TRIM72: variants seen among roughly 807,000 people sequenced by gnomAD.
TRIM72 encodes tripartite motif containing 72.
A neutral mutation model predicts 31.6 loss-of-function variants in TRIM72; 33 were observed. The observed-to-expected ratio is 1.04, with a 90% CI of 0.79 to 1.40. The LOEUF is 1.40. Among genes scored for constraint, TRIM72 ranks in the 40% most tolerant of loss-of-function variants. The probability of loss-of-function intolerance (pLI) is 0.00; values close to 1 mark genes in which losing one functional copy is unlikely to be tolerated. For synonymous variants in TRIM72, 301 were observed against 314.4 expected, an observed-to-expected ratio of 0.96 and a Z score of 0.45; for missense variants, 666 against 682.7, an observed-to-expected ratio of 0.98 and a Z score of 0.27.
At position 31,227,964 on chromosome 16, in the gene TRIM72, T is replaced by G. The variant is rs1406474205; in HGVS notation, c.*3209T>G. 2.0e-5 allele frequency: 3 copies of G among 152,008 alleles called. No individual in the cohort carries two copies. The highest frequency in any genetic ancestry group is 4.4e-5 in the Non-Finnish European group (3 of 68,118). 9.4% of individuals were successfully genotyped at this position (152,008 alleles called of 1,614,324 possible). ...CTTCATCTTTTATTTTATTATTATT[T>G]TTTGAGATGGAGTCTCACCGTGTCA... On this transcript the variant is annotated 3_prime_UTR_variant, in exon 7 of 7. Coordinates refer to ENST00000322122, the MANE Select transcript of TRIM72 (RefSeq NM_001008274.4).
At position 31,216,429 on chromosome 16, in the gene TRIM72, AAAAC is replaced by A; in HGVS notation, c.390+1305_390+1308del. On this transcript the variant is annotated intron_variant, in intron 2 of 6. Coordinates refer to ENST00000322122, the MANE Select transcript of TRIM72 (RefSeq NM_001008274.4). This position sits in a 1 kb window ranked among gnomAD's most constrained non-coding sequence, Gnocchi z 6.7. Reference sequence around the variant, plus strand: ...AATAAATCTTGCTGCCGCTAAAAAAAAAACAAAAAACAAACAAACAAAAAAAACC... The same window carrying A: ...AATAAATCTTGCTGCCGCTAAAAAAAAAAAAACAAACAAACAAAAAAAACC... The A allele has an allele frequency of 3.0e-6, 1 of 335,670 alleles. No individual in the cohort carries two copies. The highest frequency in any genetic ancestry group is 5.4e-6 in the Non-Finnish European group (1 of 184,202). 20.8% of individuals were successfully genotyped at this position (335,670 alleles called of 1,614,324 possible).
rs200847932 is a variant in TRIM72 at position 31,220,937 on chromosome 16, T to C, written c.740+19T>C. 6.2e-7 allele frequency: 1 copy of C among 1,614,196 alleles called. No homozygotes were observed. Among genetic ancestry groups the C allele is most frequent in the East Asian group, 2.2e-5 (1 of 44,888 alleles). ...CCAGCAGGTGAGAGCAACCTGGCCC[T>C]GTCCCTTTGCCCGACTTGTCCCAGT... On this transcript the variant is annotated intron_variant, in intron 5 of 6. Transcript: ENST00000322122.
At chr16:31,214,675 G>C in intron 1 of TRIM72, 57 bp from the exon 2 acceptor site, 4 of 1,427,022 alleles carry the variant, frequency 2.8e-6, no homozygotes, top group Non-Finnish European at 3.6e-6. Flanking sequence ...CTGGGCCAGG[G>C]CTGGGCCGGG....
In TRIM72 at chr16:31,222,809, TCCCCTCCCCAC is replaced by T; in HGVS notation, c.741-13_741-3del. Reference sequence around the variant, plus strand: ...CTCCCCCCTCACACATGCCTCCCCTTCCCCTCCCCACCCCCAGGCTGCAGAAGATCCTGGCA... The same window carrying T: ...CTCCCCCCTCACACATGCCTCCCCTTCCCCAGGCTGCAGAAGATCCTGGCA... On this transcript the variant is annotated splice_polypyrimidine_tract_variant and splice_region_variant and intron_variant, in intron 5 of 6. Coordinates refer to ENST00000322122, the MANE Select transcript of TRIM72 (RefSeq NM_001008274.4). 1 of 505,028 alleles carries T rather than the reference TCCCCTCCCCAC, an allele frequency of 2.0e-6. No homozygotes were observed. The highest frequency in any genetic ancestry group is 3.4e-6 in the Non-Finnish European group (1 of 291,454). The allele number at this position is 505,028 out of a possible 1,614,324, so 31.3% of individuals were successfully genotyped here. A position where few individuals can be genotyped will look rare whatever the true frequency, so the allele number is the denominator to read the frequency against.
At chr16:31,218,040 A>G (rs1040720371) in intron 2 of TRIM72, among the ~76,000 whole-genome samples, 1 of 152,160 alleles carries the variant, frequency 6.6e-6, no homozygotes, top group Non-Finnish European at 1.5e-5. Flanking sequence ...TAAGAGAGGA[A>G]GCCCAGGAGT....
At chr16:31,220,850 TC>T in intron 4 of TRIM72, 45 bp from the exon 5 acceptor site, 1 of 1,613,896 alleles carries the variant, frequency 6.2e-7, no homozygotes, top group Non-Finnish European at 8.5e-7. Context: ...GTTTCCAGTG[TC>T]CCCACCATCG....
In TRIM72 at chr16:31,226,982, A is replaced by C. The variant is rs2079556969; in HGVS notation, c.*2227A>C. On this transcript the variant is annotated 3_prime_UTR_variant, in exon 7 of 7. Transcript: ENST00000322122. ...GGTAAGAAAGGCCTGAGGATCTGGC[A>C]GGGGAAGGCGGCACACCTGGGTGTG... The C allele has an allele frequency of 6.6e-6, 1 of 152,310 alleles. No individual in the cohort carries two copies. The highest frequency in any genetic ancestry group is 2.1e-4 in the South Asian group (1 of 4,832). The allele number at this position is 152,310 out of a possible 1,614,324, so 9.4% of individuals were successfully genotyped here.
chr16:31,224,344 C>G lies in TRIM72; in HGVS notation c.1023C>G (p.Ser341=). 6.3e-7 allele frequency: 1 copy of G among 1,583,716 alleles called. No individual in the cohort carries two copies. The highest frequency in any genetic ancestry group is 8.6e-7 in the Non-Finnish European group (1 of 1,168,606). Residue 341 remains serine (S), a synonymous_variant, in exon 7 of 7, where the codon TCC becomes TCG. Coordinates refer to ENST00000322122, the MANE Select transcript of TRIM72 (RefSeq NM_001008274.4). Reference sequence around the variant, plus strand: ...CGGTGGTGGCGCACCAGCAGCTCTCCGAGGGCGAGCACTACTGGGAGGTGG... The same window carrying G: ...CGGTGGTGGCGCACCAGCAGCTCTCGGAGGGCGAGCACTACTGGGAGGTGG... The part of the protein sequence containing the change: ...AVAVVAHQQL[S]EGEHYWEVDV...
At position 31,231,018 on chromosome 16, in the gene TRIM72, C is replaced by CTTTTG. The variant is rs1020896642; in HGVS notation, c.*6278_*6282dup. 4.0e-5 allele frequency: 6 copies of CTTTTG among 151,768 alleles called. No homozygotes were observed. Among genetic ancestry groups the CTTTTG allele is most frequent in the African/African-American group, 1.5e-4 (6 of 41,312 alleles). The allele number at this position is 151,768 out of a possible 1,614,324, so 9.4% of individuals were successfully genotyped here. On this transcript the variant is annotated 3_prime_UTR_variant, in exon 7 of 7. Coordinates refer to ENST00000322122, the MANE Select transcript of TRIM72 (RefSeq NM_001008274.4). Reference sequence around the variant, plus strand: ...CAACGAGAGCCCCACTAGGTTGCCTCTTTTGTTTTGTTTTGTTTTTTTTTT... The same window carrying CTTTTG: ...CAACGAGAGCCCCACTAGGTTGCCTCTTTTGTTTTGTTTTGTTTTGTTTTTTTTTT...
Position 31,216,981 on chromosome 16 carries a change from T to C in TRIM72, c.390+1853T>C. On this transcript the variant is annotated intron_variant, in intron 2 of 6. Coordinates refer to ENST00000322122, the MANE Select transcript of TRIM72 (RefSeq NM_001008274.4). The surrounding 1 kb of genome is among the most constrained non-coding windows in gnomAD (Gnocchi z 6.7). ...TCTTGAACTTCTTGAGCTCCTCCGGTGTCAGGTTCTCCAGCACCTTCAGGA... is the reference window on the plus strand; with the variant it reads ...TCTTGAACTTCTTGAGCTCCTCCGGCGTCAGGTTCTCCAGCACCTTCAGGA... 1 of 1,614,060 alleles carries C rather than the reference T, an allele frequency of 6.2e-7. No homozygotes were observed. Among genetic ancestry groups the C allele is most frequent in the Non-Finnish European group, 8.5e-7 (1 of 1,179,964 alleles).
In TRIM72 at chr16:31,219,002, T is replaced by C; in HGVS notation, c.391-93T>C. 1 of 1,162,626 alleles carries C rather than the reference T, an allele frequency of 8.6e-7. No homozygotes were observed. The highest frequency in any genetic ancestry group is 1.2e-6 in the Non-Finnish European group (1 of 816,036). The allele number at this position is 1,162,626 out of a possible 1,614,324, so 72.0% of individuals were successfully genotyped here. A position where few individuals can be genotyped will look rare whatever the true frequency, so the allele number is the denominator to read the frequency against. ...AAGATGGCTGGAGGAGGAGCTGGCA[T>C]TGAGGTTGAGCCACAGAGGGCAGGT... On this transcript the variant is annotated intron_variant, in intron 2 of 6. Transcript: ENST00000322122. The surrounding 1 kb of genome is among the most constrained non-coding windows in gnomAD (Gnocchi z 4.2).
In TRIM72 at chr16:31,219,155, G is replaced by A. The variant is rs149024766; in HGVS notation, c.451G>A (p.Val151Met). The A allele has an allele frequency of 1.2e-6, 2 of 1,609,832 alleles. No individual in the cohort carries two copies. The highest frequency in any genetic ancestry group is 2.7e-5 in the African/African-American group (2 of 75,030). The change falls in exon 3 of 7, where the codon GTG becomes ATG. Residue 151 changes from valine (V) to methionine (M), a missense_variant. Transcript: ENST00000322122. The surrounding 1 kb of genome is among the most constrained non-coding windows in gnomAD (Gnocchi z 4.2). Reference protein sequence around the residue: ...QEACMRKEKSVAVLEHQLVEV... With the variant: ...QEACMRKEKSMAVLEHQLVEV... ...GGCATGCATGCGCAAGGAGAAGAGT[G>A]TGGCTGTGCTGGAGCATCAGCTGGT...
Position 31,219,086 on chromosome 16 carries a change from G to A in TRIM72, c.391-9G>A, listed in dbSNP as rs2079522014. The stretch of plus-strand genomic sequence containing the variant: ...CATCCCCATCACTTCTCCATGCCTC[G>A]ACCCCCAGACACAGCTGCCACAGCA... On this transcript the variant is annotated splice_polypyrimidine_tract_variant and intron_variant, in intron 2 of 6. Transcript: ENST00000322122. This position sits in a 1 kb window ranked among gnomAD's most constrained non-coding sequence, Gnocchi z 4.2. 1 of 1,560,388 alleles carries A rather than the reference G, an allele frequency of 6.4e-7. No homozygotes were observed. The highest frequency in any genetic ancestry group is 8.7e-7 in the Non-Finnish European group (1 of 1,151,654).
At chr16:31,214,656 G>A in intron 1 of TRIM72, 76 bp from the exon 2 acceptor site, 1 of 1,376,438 alleles carries the variant, frequency 7.3e-7, no homozygotes, top group Non-Finnish European at 9.3e-7. Context: ...GGCCCGGCCT[G>A]GGCTAGGGCT....
In TRIM72 at chr16:31,215,594, G is replaced by C. The variant is rs891747532; in HGVS notation, c.390+466G>C. On this transcript the variant is annotated intron_variant, in intron 2 of 6. Transcript: ENST00000322122. The surrounding 1 kb of genome is among the most constrained non-coding windows in gnomAD (Gnocchi z 6.3). Reference sequence around the variant, plus strand: ...GGGACCGAGCCAGGCGGCCGGGGCAGGGTTGTCCCCTTGTGCTCAGCGGAG... The same window carrying C: ...GGGACCGAGCCAGGCGGCCGGGGCACGGTTGTCCCCTTGTGCTCAGCGGAG... 6.6e-6 allele frequency among the ~76,000 whole-genome samples: 1 copy of C among 152,170 alleles called. No individual in the cohort carries two copies. The highest frequency in any genetic ancestry group is 2.4e-5 in the African/African-American group (1 of 41,450).
At position 31,214,872 on chromosome 16, in the gene TRIM72, C is replaced by G; in HGVS notation, c.134C>G (p.Pro45Arg). Residue 45 changes from proline to arginine, a missense_variant, in exon 2 of 7, where the codon CCG becomes CGG. Coordinates refer to ENST00000322122, the MANE Select transcript of TRIM72 (RefSeq NM_001008274.4). ...RACLGRVAGE[P>R]AADGTVLCPC... is the part of the protein sequence containing the mutation. ...TGCCTAGGCCGCGTGGCCGGGGAGC[C>G]GGCGGCGGATGGCACCGTTCTCTGC... is the stretch of plus-strand genomic sequence containing the variant. 6.5e-7 allele frequency: 1 copy of G among 1,531,340 alleles called. No homozygotes were observed. The highest frequency in any genetic ancestry group is 8.7e-7 in the Non-Finnish European group (1 of 1,147,218). The allele number at this position is 1,531,340 out of a possible 1,614,324, so 94.9% of individuals were successfully genotyped here. A position where few individuals can be genotyped will look rare whatever the true frequency, so the allele number is the denominator to read the frequency against.
chr16:31,224,264 G>C lies in TRIM72; in HGVS notation c.943G>C (p.Glu315Gln), dbSNP rs773058167. The change falls in exon 7 of 7, where the codon GAG (glutamate) becomes CAG (glutamine). Residue 315 changes from glutamate to glutamine, a missense_variant. Coordinates refer to ENST00000322122, the MANE Select transcript of TRIM72 (RefSeq NM_001008274.4). ...CTCTGGCCGCCGCGTGGAGTGCTCG[G>C]AGCAGAAGGCGCCGCCGGCCGGGGA... ...SSSGRRVECS[E>Q]QKAPPAGEDP... 1.2e-5 allele frequency: 20 copies of C among 1,604,700 alleles called. No individual in the cohort carries two copies. The highest frequency in any genetic ancestry group is 1.5e-5 in the Non-Finnish European group (18 of 1,179,554).
At position 31,230,623 on chromosome 16, in the gene TRIM72, G is replaced by A. The variant is rs989972779; in HGVS notation, c.*5868G>A. ...CACCTGTAGTCCCAGCTACTTGGGA[G>A]GCTGAGGCAGGAGAATGGCCTGAAC... is the stretch of plus-strand genomic sequence containing the variant. On this transcript the variant is annotated 3_prime_UTR_variant, in exon 7 of 7. Coordinates refer to ENST00000322122, the MANE Select transcript of TRIM72 (RefSeq NM_001008274.4). 6.6e-6 allele frequency: 1 copy of A among 151,562 alleles called. No individual in the cohort carries two copies. Among genetic ancestry groups the A allele is most frequent in the Non-Finnish European group, 1.5e-5 (1 of 68,010 alleles). 9.4% of individuals were successfully genotyped at this position (151,562 alleles called of 1,614,324 possible). A position where few individuals can be genotyped will look rare whatever the true frequency, so the allele number is the denominator to read the frequency against.
At position 31,224,257 on chromosome 16, in the gene TRIM72, G is replaced by A; in HGVS notation, c.936G>A (p.Glu312=). 1.2e-6 allele frequency: 2 copies of A among 1,605,276 alleles called. No homozygotes were observed. Among genetic ancestry groups the A allele is most frequent in the Non-Finnish European group, 1.7e-6 (2 of 1,179,772 alleles). Residue 312 remains glutamate (E), a synonymous_variant, in exon 7 of 7, where the codon GAG becomes GAA. Transcript: ENST00000322122. ...TGTCTTCCTCTGGCCGCCGCGTGGA[G>A]TGCTCGGAGCAGAAGGCGCCGCCGG... is the stretch of plus-strand genomic sequence containing the variant. The part of the protein sequence containing the change: ...LVVSSSGRRV[E]CSEQKAPPAG...
Sources: allele counts gnomAD v4.1 joint callset (sites outside exome capture counted in the v4.1 genomes callset), GRCh38; gene constraint gnomAD v4.1.1; non-coding constraint Gnocchi (gnomAD v3.1); transcripts MANE v1.5; gene names NCBI Gene and HGNC (gene_info 2026-07-23, HGNC 2026-07-21).